The following CDHR2 variants were observed in gnomAD, a reference collection of about 807,000 sequenced individuals.
CDHR2 encodes the protein cadherin related family member 2.
Under a neutral mutation model 138.6 loss-of-function variants are expected in CDHR2, and 104 were observed. The observed-to-expected ratio is 0.75, with a 90% CI of 0.64 to 0.88. CDHR2 has a LOEUF of 0.88. CDHR2 is among the 40% of genes least tolerant of loss of function. The pLI, the probability that CDHR2 is intolerant of heterozygous loss-of-function variation, is 0.00. For synonymous variants in CDHR2, 755 were observed against 742.8 expected (o/e 1.02, Z -0.27); for missense variants, 1,624 against 1,727.6 (o/e 0.94, Z 1.06).
chr5:176,556,125 C>T (rs534551090), intron 1 of CDHR2, among the ~76,000 whole-genome samples: 17 of 152,344 alleles, frequency 1.1e-4, no homozygotes, highest in African/African-American at 4.1e-4. Flanking sequence ...CTGGCCCAGG[C>T]CATCTCTCAT....
intron 31 of CDHR2, among the ~76,000 whole-genome samples, chr5:176,594,207 G>A (rs559215601): frequency 4.6e-5 from 7 of 152,300 alleles, no homozygotes; most frequent in Non-Finnish European, 8.8e-5. Context: ...TTATGTCCTG[G>A]GAGGGCAGGG....
rs750089669 is a variant in CDHR2, at chr5:176,589,430, AC to A, written c.3112del (p.Leu1038Ter). The A allele has an allele frequency of 5.0e-6, 8 of 1,597,958 alleles. No individual in the cohort carries two copies. In the East Asian group the frequency reaches 1.8e-4, roughly 36 times the overall value. ...GGGTCCTTTCCTGGAAGCCACCACC[AC>A]CCTGAATGTGAGTGCTGGTCCCACC... is the stretch of plus-strand genomic sequence containing the variant. ...SLGPFLEATT[T>X]LNLFTVDQSY... On this transcript the variant is annotated frameshift_variant, in exon 23 of 32. Transcript: ENST00000261944. LOFTEE classifies it high-confidence loss of function.
At chr5:176,589,273 G>T in intron 22 of CDHR2, 57 bp from the exon 23 acceptor site, 1 of 1,579,124 alleles carries the variant, frequency 6.3e-7, no homozygotes, top group Non-Finnish European at 8.6e-7. Flanking sequence ...AGGTTACAAG[G>T]GTCCTGAGGA....
intron 13 of CDHR2, 23 bp from the exon 14 acceptor site, chr5:176,577,614 G>A (rs1481593700): frequency 6.2e-7 from 1 of 1,614,018 alleles, no homozygotes; most frequent in Admixed American, 1.7e-5. Flanking sequence ...CCCCACAGCT[G>A]CTGCCTCCTC....
chr5:176,549,178 G>T (rs1049636348), upstream of CDHR2, among the ~76,000 whole-genome samples: 1 of 152,202 alleles, frequency 6.6e-6, no homozygotes, highest in Non-Finnish European at 1.5e-5. Flanking sequence ...GGAGCGCCAG[G>T]AGCTCTGGCG....
chr5:176,589,107 G>A lies in CDHR2; in HGVS notation c.2933G>A (p.Gly978Glu). The change falls in exon 22 of 32, where the codon GGG (glycine) becomes GAG (glutamate). Residue 978 changes from glycine to glutamate, a missense_variant. Coordinates refer to ENST00000261944, the MANE Select transcript of CDHR2 (RefSeq NM_017675.6). ...CGAGTAGACTTCATCTCTAAGGACGGGGCCACCATCCCTTTCCAGGGTGTC... is the reference window on the plus strand; with the variant it reads ...CGAGTAGACTTCATCTCTAAGGACGAGGCCACCATCCCTTTCCAGGGTGTC... Reference protein sequence around the residue: ...ILRVDFISKDGATIPFQGVFS... With the variant: ...ILRVDFISKDEATIPFQGVFS... 6.2e-7 allele frequency: 1 copy of A among 1,614,134 alleles called. No individual in the cohort carries two copies. The highest frequency in any genetic ancestry group is 8.5e-7 in the Non-Finnish European group (1 of 1,179,988).
Position 176,576,579 on chromosome 5 carries a change from C to CT in CDHR2, c.1194+409dup, listed in dbSNP as rs35790078. Among the ~76,000 whole-genome samples, 79 of 136,542 alleles carry CT rather than the reference C, an allele frequency of 5.8e-4. 1 individual carries two copies. Among genetic ancestry groups the CT allele is most frequent in the African/African-American group, 1.2e-3 (46 of 36,828 alleles). The allele number at this position is 136,542 out of a possible 152,430, so 89.6% of individuals were successfully genotyped here. A position where few individuals can be genotyped will look rare whatever the true frequency, so the allele number is the denominator to read the frequency against. On this transcript the variant is annotated intron_variant, in intron 12 of 31. Coordinates refer to ENST00000261944, the MANE Select transcript of CDHR2 (RefSeq NM_017675.6). This position sits in a 1 kb window ranked among gnomAD's most constrained non-coding sequence, Gnocchi z 4.5. ...TGAGGGTGTGAGGTGGGAGGGTGCT[C>CT]TTTTTTTTTTTTTTTGAGATGGAAT... is the stretch of plus-strand genomic sequence containing the variant.
chr5:176,559,294 A>G (rs1377140129), intron 1 of CDHR2, among the ~76,000 whole-genome samples: 1 of 152,214 alleles, frequency 6.6e-6, no homozygotes, highest in Non-Finnish European at 1.5e-5. Flanking sequence ...TTGTGACACC[A>G]TTAATCTCCC....
At chr5:176,593,744 TC>T (rs1758945554) in intron 31 of CDHR2, among the ~76,000 whole-genome samples, 1 of 152,204 alleles carries the variant, frequency 6.6e-6, no homozygotes, top group African/African-American at 2.4e-5. Context: ...GAATTTGTTT[TC>T]CCTGAGGACT....
chr5:176,588,481 G>A (rs1758734207), intron 21 of CDHR2, among the ~76,000 whole-genome samples: 1 of 151,202 alleles, frequency 6.6e-6, no homozygotes, highest in Admixed American at 6.6e-5. Context: ...GTGAGTGTGA[G>A]AGGATAAGTG....
Position 176,551,802 on chromosome 5 carries a change from C to T in CDHR2, c.-16+2388C>T, listed in dbSNP as rs906053282. 5.4e-5 allele frequency among the ~76,000 whole-genome samples: 8 copies of T among 148,612 alleles called. No homozygotes were observed. The East Asian group carries it at 6.2e-4, about 11-fold the overall frequency. Reference sequence around the variant, plus strand: ...CTGCAAGCTCCGCTTCCCGGGTTCACGCCATTCTCCTGCCTCAGCCTTCCA... The same window carrying T: ...CTGCAAGCTCCGCTTCCCGGGTTCATGCCATTCTCCTGCCTCAGCCTTCCA... On this transcript the variant is annotated intron_variant, in intron 1 of 31. Transcript: ENST00000261944.
chr5:176,577,672 C>A lies in CDHR2; in HGVS notation c.1386C>A (p.Ser462=). Residue 462 remains serine (S), a synonymous_variant, in exon 14 of 32, where the codon TCC becomes TCA. Transcript: ENST00000261944. ...VATDSVSQNF[S]VAMVTIHLRD... ...CAGACTCCGTCAGCCAGAACTTCTC[C>A]GTCGCCATGGTGACCATCCACCTTA... 1 of 1,614,230 alleles carries A rather than the reference C, an allele frequency of 6.2e-7. No homozygotes were observed. The highest frequency in any genetic ancestry group is 8.5e-7 in the Non-Finnish European group (1 of 1,180,038).
rs914404442 is a variant in CDHR2 at position 176,571,317 on chromosome 5, A to C, written c.405+15A>C. On this transcript the variant is annotated intron_variant, in intron 6 of 31. Coordinates refer to ENST00000261944, the MANE Select transcript of CDHR2 (RefSeq NM_017675.6). ...GCATCAACGAGGTGACACCTGCCTT[A>C]ATGTGGTTGTGGGGCAGGGGGCATC... is the stretch of plus-strand genomic sequence containing the variant. The C allele has an allele frequency of 2.5e-6, 4 of 1,591,044 alleles. No homozygotes were observed. In the African/African-American group the frequency reaches 4.1e-5, roughly 16 times the overall value.
At chr5:176,566,869 C>G in intron 3 of CDHR2, 1 of 450,512 alleles carries the variant, frequency 2.2e-6, no homozygotes. Flanking sequence ...GTGCCTAGCT[C>G]AAAATCTGGG....
Position 176,590,565 on chromosome 5 carries a change from C to T in CDHR2, c.3417C>T (p.Gly1139=). ...CCCTCACACTCATCTTTCTCCAGGGCTCCCAGGAGAGCCAGGAGTCAGACC... is the reference window on the plus strand; with the variant it reads ...CCCTCACACTCATCTTTCTCCAGGGTTCCCAGGAGAGCCAGGAGTCAGACC... ...QLLQLGLVVL[G]SQESQESDLS... Residue 1139 remains glycine, a splice_region_variant and synonymous_variant, in exon 28 of 32, where the codon GGC becomes GGT. Coordinates refer to ENST00000261944, the MANE Select transcript of CDHR2 (RefSeq NM_017675.6). The T allele has an allele frequency of 1.2e-6, 2 of 1,614,046 alleles. No individual in the cohort carries two copies. Among genetic ancestry groups the T allele is most frequent in the Non-Finnish European group, 1.7e-6 (2 of 1,180,006 alleles).
intron 31 of CDHR2, among the ~76,000 whole-genome samples, chr5:176,594,501 G>A (rs1419778191): frequency 6.6e-6 from 1 of 152,230 alleles, no homozygotes; most frequent in Non-Finnish European, 1.5e-5. Flanking sequence ...CATCCAGAGA[G>A]GGGTGCTGAC....
chr5:176,581,529 G>A lies in CDHR2; in HGVS notation c.2005G>A (p.Asp669Asn). The change falls in exon 17 of 32, where the codon GAC (aspartate) becomes AAC (asparagine). Residue 669 changes from aspartate to asparagine, a missense_variant. Physicochemically the swap from Asp to Asn is conservative, Grantham distance 23. Transcript: ENST00000261944. ...CATTGTGCTGACAGTGCTTGTGTCT[G>A]ACTGCGGCGAGCCTGTCCTCGGCAC... ...GRIVLTVLVSDCGEPVLGTKV... is the reference protein window; with the variant it reads ...GRIVLTVLVSNCGEPVLGTKV... 2 of 1,614,130 alleles carry A rather than the reference G, an allele frequency of 1.2e-6. No individual in the cohort carries two copies. The highest frequency in any genetic ancestry group is 8.5e-7 in the Non-Finnish European group (1 of 1,180,054).
chr5:176,546,216 G>A (rs1278298764), upstream of CDHR2, among the ~76,000 whole-genome samples: 1 of 152,264 alleles, frequency 6.6e-6, no homozygotes, highest in Non-Finnish European at 1.5e-5. Context: ...AAAGTCAGGG[G>A]CAAGAATTGT....
At chr5:176,558,318 C>G (rs1203164145) in intron 1 of CDHR2, among the ~76,000 whole-genome samples, 2 of 151,340 alleles carry the variant, frequency 1.3e-5, no homozygotes, top group African/African-American at 4.9e-5. Context: ...CGGGTTCACA[C>G]CATTCTCCTG....
Sources: allele counts gnomAD v4.1 joint callset (sites outside exome capture counted in the v4.1 genomes callset), GRCh38; gene constraint gnomAD v4.1.1; non-coding constraint Gnocchi (gnomAD v3.1); transcripts MANE v1.5; gene names NCBI Gene and HGNC (gene_info 2026-07-23, HGNC 2026-07-21).